MBTPS2: variants seen among roughly 807,000 people sequenced by gnomAD.
MBTPS2 encodes the protein membrane-bound transcription factor site-2 protease.
A neutral mutation model predicts 35.4 loss-of-function variants in MBTPS2; 2 were observed. That is an observed-to-expected ratio of 0.06 (90% CI 0.02 to 0.18). The LOEUF is 0.18. Among genes scored for constraint, MBTPS2 ranks in the 10% least tolerant of loss-of-function variants. The probability of loss-of-function intolerance (pLI) is 1.00; values close to 1 mark genes in which losing one functional copy is unlikely to be tolerated. For missense variants in MBTPS2, 244 were observed against 386.5 expected, an observed-to-expected ratio of 0.63 and a Z score of 3.09; for synonymous variants, 125 against 140.4, an observed-to-expected ratio of 0.89 and a Z score of 0.77.
intron 1 of MBTPS2, among the ~76,000 whole-genome samples, chrX:21,842,484 T>C (rs1447816799): frequency 9.1e-6 from 1 of 109,505 alleles, no homozygotes; most frequent in Non-Finnish European, 1.9e-5. Context: ...TGCTGTCCAA[T>C]ATGGCAGCTA....
At chrX:21,849,887 G>A (rs952771000) in intron 3 of MBTPS2, among the ~76,000 whole-genome samples, 7 of 107,165 alleles carry the variant, frequency 6.5e-5, no homozygotes, top group African/African-American at 2.4e-4. Flanking sequence ...TTAGCCGGGC[G>A]TGGTGGCGGG....
intron 1 of MBTPS2, among the ~76,000 whole-genome samples, chrX:21,840,836 G>T (rs144381024): frequency 0.015 from 1,633 of 111,950 alleles, 36 homozygotes; most frequent in African/African-American, 0.05. Context: ...TAGATCCAGG[G>T]CTGGGCTTCT....
At chrX:21,868,754 T>C (rs1222000112) in intron 6 of MBTPS2, among the ~76,000 whole-genome samples, 169 bp downstream of exon 6, 1 of 112,716 alleles carries the variant, frequency 8.9e-6, no homozygotes, top group East Asian at 2.8e-4. Context: ...GGGAAACACA[T>C]TGGTTTTTTT....
intron 5 of MBTPS2, among the ~76,000 whole-genome samples, chrX:21,862,558 C>T (rs2092932655): frequency 9.2e-6 from 1 of 108,897 alleles, no homozygotes; most frequent in African/African-American, 3.3e-5. Flanking sequence ...GCCTGTAATC[C>T]CAGCACTTTG....
intron 5 of MBTPS2, among the ~76,000 whole-genome samples, chrX:21,854,419 GTATTTAAAACATGTCCCAAA>G (rs766043994): frequency 1.8e-5 from 2 of 112,177 alleles, no homozygotes; most frequent in Non-Finnish European, 3.8e-5. Flanking sequence ...CCCTTAGTTT[GTATTTAAAACATGTCCCAAA>G]TATGTGATGT....
rs1602153878 is a variant in MBTPS2, at chrX:21,878,242, G to A, written c.1065+106G>A. The A allele has an allele frequency of 3.0e-5, 17 of 571,528 alleles. No individual in the cohort carries two copies. The South Asian group carries it at 4.3e-4, about 14-fold the overall frequency. The allele number at this position is 571,528 out of a possible 1,213,427, so 47.1% of individuals were successfully genotyped here. ...GAAACTTCTCTCTTTTGCTCTATTT[G>A]TATCATTTTATTAAAATCTCTACAT... On this transcript the variant is annotated intron_variant, in intron 8 of 10. Transcript: ENST00000379484.
In MBTPS2 at chrX:21,885,394, G is replaced by T. The variant is rs1416264303; in HGVS notation, c.*2739G>T. Reference sequence around the variant, plus strand: ...CGGCATTTGATGTTTAGCAATAAAAGAATAAATGTGTACCAGCATTTTATG... The same window carrying T: ...CGGCATTTGATGTTTAGCAATAAAATAATAAATGTGTACCAGCATTTTATG... On this transcript the variant is annotated 3_prime_UTR_variant, in exon 11 of 11. Transcript: ENST00000379484. 1.3e-6 allele frequency: 1 copy of T among 749,827 alleles called. No homozygotes were observed. Among genetic ancestry groups the T allele is most frequent in the African/African-American group, 2.3e-5 (1 of 43,203 alleles). The allele number at this position is 749,827 out of a possible 1,213,427, so 61.8% of individuals were successfully genotyped here. A position where few individuals can be genotyped will look rare whatever the true frequency, so the allele number is the denominator to read the frequency against.
At chrX:21,856,919 C>T (rs755494527) in intron 5 of MBTPS2, 1 of 1,211,942 alleles carries the variant, frequency 8.3e-7, no homozygotes, top group Non-Finnish European at 1.1e-6. Context: ...GCAAAAAGCC[C>T]AGCGGCAAGA....
chrX:21,882,410 T>A, intron 10 of MBTPS2, 23 bp from the exon 11 acceptor site: 1 of 1,143,725 alleles, frequency 8.7e-7, no homozygotes, highest in Non-Finnish European at 1.2e-6. Context: ...TCACAGTTGG[T>A]TCCTTAACTG....
chrX:21,870,757 T>C (rs1455792403), intron 7 of MBTPS2: 1 of 112,265 alleles, frequency 8.9e-6, no homozygotes, highest in African/African-American at 3.2e-5. Flanking sequence ...GTGCAGCAGA[T>C]GACAGAGCTG....
chrX:21,862,762 G>T lies in MBTPS2; in HGVS notation c.671-5705G>T, dbSNP rs778587467. On this transcript the variant is annotated intron_variant, in intron 5 of 10. Transcript: ENST00000379484. ...GGAGGCGGAGCTTGCAGTGAGCCGA[G>T]ATTGCGCCACTGCACTCCAGCCTGG... Among the ~76,000 whole-genome samples the T allele has an allele frequency of 6.2e-4, 64 of 103,249 alleles. 1 individual carries two copies. The highest frequency in any genetic ancestry group is 2.1e-3 in the African/African-American group (61 of 28,752). The allele number at this position is 103,249 out of a possible 115,157, so 89.7% of individuals were successfully genotyped here. A position where few individuals can be genotyped will look rare whatever the true frequency, so the allele number is the denominator to read the frequency against.
chrX:21,878,414 G>A (rs1181949350), intron 8 of MBTPS2, 83 bp from the exon 9 acceptor site: 1 of 719,495 alleles, frequency 1.4e-6, no homozygotes, highest in Non-Finnish European at 2.2e-6. Flanking sequence ...GATATGCTAG[G>A]TGACATGAAA....
intron 5 of MBTPS2, among the ~76,000 whole-genome samples, chrX:21,866,870 T>C (rs2092940503): frequency 9.2e-6 from 1 of 109,219 alleles, no homozygotes; most frequent in Admixed American, 9.8e-5. Flanking sequence ...CTACTAAAAC[T>C]ACAAAAAAAT....
At position 21,883,823 on chromosome X, in the gene MBTPS2, A is replaced by G; in HGVS notation, c.*1168A>G. The G allele has an allele frequency of 1.3e-6, 1 of 754,440 alleles. No homozygotes were observed. Among genetic ancestry groups the G allele is most frequent in the Non-Finnish European group, 1.6e-6 (1 of 639,464 alleles). The allele number at this position is 754,440 out of a possible 1,213,427, so 62.2% of individuals were successfully genotyped here. ...GGCTTGGGAACTGATTCTTGAGCCC[A>G]GAAGAGCCACGCCTGCTTTGAGGTC... On this transcript the variant is annotated 3_prime_UTR_variant, in exon 11 of 11. Coordinates refer to ENST00000379484, the MANE Select transcript of MBTPS2 (RefSeq NM_015884.4).
intron 7 of MBTPS2, chrX:21,870,017 G>A (rs1469190943): frequency 5.3e-6 from 1 of 187,265 alleles, no homozygotes; most frequent in African/African-American, 3.1e-5. Context: ...GAGGCGGGCG[G>A]ATCACTTGAG....
chrX:21,865,667 G>A (rs540181108), intron 5 of MBTPS2, among the ~76,000 whole-genome samples: 1 of 112,653 alleles, frequency 8.9e-6, no homozygotes, highest in South Asian at 3.6e-4. Context: ...CAAATTGATA[G>A]TTTACATTCT....
chrX:21,879,055 A>T (rs2092956159), intron 9 of MBTPS2, among the ~76,000 whole-genome samples: 1 of 111,182 alleles, frequency 9.0e-6, no homozygotes, highest in African/African-American at 3.3e-5. Flanking sequence ...GCCAGGATGC[A>T]TGGGGATGTA....
Position 21,880,987 on chromosome X carries a change from G to A in MBTPS2, c.1337+15G>A, listed in dbSNP as rs372366632. The A allele has an allele frequency of 1.4e-4, 159 of 1,135,216 alleles. No homozygotes were observed. The highest frequency in any genetic ancestry group is 1.8e-4 in the Non-Finnish European group (152 of 826,889). 93.6% of individuals were successfully genotyped at this position (1,135,216 alleles called of 1,213,427 possible). A position where few individuals can be genotyped will look rare whatever the true frequency, so the allele number is the denominator to read the frequency against. Reference sequence around the variant, plus strand: ...ACATTTGTCAAGTATCCTTTCTGGTGTGAAACATGTTTTAAAAGTGTGTTA... The same window carrying A: ...ACATTTGTCAAGTATCCTTTCTGGTATGAAACATGTTTTAAAAGTGTGTTA... On this transcript the variant is annotated intron_variant, in intron 10 of 10. Transcript: ENST00000379484.
chrX:21,848,951 G>A (rs1034235253), intron 3 of MBTPS2, among the ~76,000 whole-genome samples: 1 of 112,317 alleles, frequency 8.9e-6, no homozygotes, highest in Admixed American at 9.4e-5. Context: ...AGCACAGAAT[G>A]AGGAAGACAT....
Sources: gnomAD v4.1 joint callset for allele counts (sites outside exome capture counted in the v4.1 genomes callset) on GRCh38, gnomAD v4.1.1 for gene constraint, MANE v1.5 for transcripts, NCBI Gene and HGNC (gene_info 2026-07-23, HGNC 2026-07-21) for gene names.